NMD3: variants seen among roughly 807,000 people sequenced by gnomAD.
The protein encoded by NMD3 is NMD3 ribosome export adaptor, also known as 60S ribosomal export protein NMD3.
A neutral mutation model predicts 73.1 loss-of-function variants in NMD3; 47 were observed. The ratio of observed to expected loss-of-function variants is 0.64; its 90% CI spans 0.51 to 0.82. The LOEUF (loss-of-function observed/expected upper bound fraction) is 0.82. Among genes scored for constraint, NMD3 ranks in the 40% least tolerant of loss-of-function variants. NMD3 has a pLI of 0.00. For synonymous variants in NMD3, 210 were observed against 194.5 expected (o/e 1.08, Z -0.66); for missense variants, 554 against 612.5 (o/e 0.90, Z 1.01).
intron 7 of NMD3, 141 bp from the exon 8 acceptor site, chr3:161,237,967 TATCTC>T (rs1736828490): frequency 2.1e-6 from 1 of 484,934 alleles, no homozygotes; most frequent in Admixed American, 4.0e-5. Context: ...TCTTAAGTGA[TATCTC>T]TAATCTGTTG....
chr3:161,252,296 G>C lies in NMD3; in HGVS notation c.*1386G>C, dbSNP rs75707698. 2.0e-5 allele frequency: 3 copies of C among 152,014 alleles called. No individual in the cohort carries two copies. Among genetic ancestry groups the C allele is most frequent in the African/African-American group, 7.2e-5 (3 of 41,396 alleles). The allele number at this position is 152,014 out of a possible 1,614,324, so 9.4% of individuals were successfully genotyped here. A position where few individuals can be genotyped will look rare whatever the true frequency, so the allele number is the denominator to read the frequency against. ...AATAAAGCCATTCTTGCCCTTTTTC[G>C]TGTGTTTGAAATGGTCGCATTGGTG... On this transcript the variant is annotated 3_prime_UTR_variant, in exon 16 of 16. Transcript: ENST00000351193.
intron 5 of NMD3, 68 bp from the exon 6 acceptor site, chr3:161,234,656 GTTC>G (rs1736673363): frequency 2.3e-6 from 3 of 1,312,368 alleles, no homozygotes; most frequent in East Asian, 4.8e-5. Flanking sequence ...AATATTAAAG[GTTC>G]TTCTTTAAAG....
intron 11 of NMD3, among the ~76,000 whole-genome samples, chr3:161,243,751 C>G (rs1419143357): frequency 1.1e-4 from 16 of 152,042 alleles, no homozygotes. Flanking sequence ...TTTTTCTTGC[C>G]AGAATATTTC....
chr3:161,252,914 C>T (rs1194720577), downstream of NMD3: 4 of 592,600 alleles, frequency 6.7e-6, no homozygotes, highest in South Asian at 1.9e-5. Flanking sequence ...GCCTGGCCAA[C>T]ATAGTGAAAC....
chr3:161,222,250 C>T (rs1214289027), intron 2 of NMD3, among the ~76,000 whole-genome samples, 193 bp downstream of exon 2: 2 of 152,090 alleles, frequency 1.3e-5, no homozygotes, highest in African/African-American at 4.8e-5. Flanking sequence ...TAAATATAAG[C>T]TCTAAGAGGG....
chr3:161,253,168 T>G (rs12495310), downstream of NMD3: 1 of 159,700 alleles, frequency 6.3e-6, no homozygotes, highest in Non-Finnish European at 1.4e-5. Context: ...GTAATTGAGA[T>G]GTTTAACAGC....
At chr3:161,241,599 T>C (rs1300731254) in intron 10 of NMD3, among the ~76,000 whole-genome samples, 1 of 152,122 alleles carries the variant, frequency 6.6e-6, no homozygotes, top group Admixed American at 6.5e-5. Flanking sequence ...TTTTGTATTT[T>C]TAGTAGAGAC....
chr3:161,226,396 C>T (rs1161763980), intron 3 of NMD3, among the ~76,000 whole-genome samples: 1 of 151,506 alleles, frequency 6.6e-6, no homozygotes, highest in Admixed American at 6.6e-5. Flanking sequence ...TGCAGTGAGC[C>T]GAGATCATAC....
chr3:161,225,582 C>G (rs188909720), intron 3 of NMD3, among the ~76,000 whole-genome samples: 1 of 152,238 alleles, frequency 6.6e-6, no homozygotes, highest in East Asian at 1.9e-4. Flanking sequence ...AAGAAGACTT[C>G]TTCTGAATGT....
intron 11 of NMD3, among the ~76,000 whole-genome samples, chr3:161,244,185 C>T (rs757930600): frequency 2.0e-5 from 3 of 152,094 alleles, no homozygotes; most frequent in Non-Finnish European, 2.9e-5. Context: ...GGCTGGAGTG[C>T]GGTATGGCTT....
chr3:161,249,287 T>C (rs2108103986), intron 13 of NMD3, among the ~76,000 whole-genome samples, 167 bp from the exon 14 acceptor site: 1 of 152,348 alleles, frequency 6.6e-6, no homozygotes, highest in Admixed American at 6.5e-5. Context: ...GTTAAATACA[T>C]GGAGAAAAAT....
At chr3:161,246,965 T>C (rs575565443) in intron 12 of NMD3, among the ~76,000 whole-genome samples, 28 of 152,046 alleles carry the variant, frequency 1.8e-4, no homozygotes, top group African/African-American at 6.5e-4. Context: ...TAAAATAAAC[T>C]AGAAGGAAGC....
intron 4 of NMD3, among the ~76,000 whole-genome samples, chr3:161,232,397 A>AT (rs1237492843): frequency 6.6e-6 from 1 of 152,046 alleles, no homozygotes; most frequent in African/African-American, 2.4e-5. Context: ...TGCAGCCCAA[A>AT]TTTTTTTATA....
intron 7 of NMD3, among the ~76,000 whole-genome samples, chr3:161,237,020 C>G (rs1269639367): frequency 1.3e-5 from 2 of 152,128 alleles, no homozygotes; most frequent in Admixed American, 1.3e-4. Flanking sequence ...TTTGGCTATT[C>G]TGGGTAATTT....
chr3:161,250,209 ATATAAC>A lies in NMD3; in HGVS notation c.1311-42_1311-37del, dbSNP rs779010691. 4.3e-5 allele frequency: 46 copies of A among 1,075,568 alleles called. 1 individual carries two copies. Among genetic ancestry groups the A allele is most frequent in the Non-Finnish European group, 5.5e-5 (39 of 702,824 alleles). The allele number at this position is 1,075,568 out of a possible 1,614,324, so 66.6% of individuals were successfully genotyped here. Reference sequence around the variant, plus strand: ...AAATGAAAGTCCTTAAATGAAGAAAATATAACTATATTTTTGGTGATGAAATATTTA... The same window carrying A: ...AAATGAAAGTCCTTAAATGAAGAAAATATATTTTTGGTGATGAAATATTTA... On this transcript the variant is annotated intron_variant, in intron 14 of 15. Transcript: ENST00000351193.
rs778868766 is a variant in NMD3 at position 161,225,058 on chromosome 3, G to A, written c.173G>A (p.Cys58Tyr). The change falls in exon 3 of 16, where the codon TGT becomes TAT. Residue 58 changes from cysteine (C) to tyrosine (Y), a missense_variant. Physicochemically the swap from Cys to Tyr is radical, Grantham distance 194 (BLOSUM62 -2). Coordinates refer to ENST00000351193, the MANE Select transcript of NMD3 (RefSeq NM_015938.5). ...KQVSISFCKQCQRYFQPPGTW... is the reference protein window; with the variant it reads ...KQVSISFCKQYQRYFQPPGTW... ...GTCTCGATTTCGTTCTGCAAACAAT[G>A]TCAAAGGTACAGTGCGGTACAATTT... is the stretch of plus-strand genomic sequence containing the variant. 3 of 1,613,702 alleles carry A rather than the reference G, an allele frequency of 1.9e-6. No homozygotes were observed. The highest frequency in any genetic ancestry group is 2.5e-6 in the Non-Finnish European group (3 of 1,179,884).
chr3:161,250,821 G>A lies in NMD3; in HGVS notation c.1423G>A (p.Ala475Thr). ...GGAAAGTGACACCGATGATGAAGGA[G>A]CACCTCGAATTAGTCTGGCTGAGAT... Reference protein sequence around the residue: ...PVESDTDDEGAPRISLAEMLE... With the variant: ...PVESDTDDEGTPRISLAEMLE... Residue 475 changes from alanine (A) to threonine (T), a missense_variant, in exon 16 of 16, where the codon GCA becomes ACA. By Grantham distance (58) the Ala-to-Thr change is moderately conservative. Coordinates refer to ENST00000351193, the MANE Select transcript of NMD3 (RefSeq NM_015938.5). 6.2e-7 allele frequency: 1 copy of A among 1,611,286 alleles called. No homozygotes were observed. The highest frequency in any genetic ancestry group is 8.5e-7 in the Non-Finnish European group (1 of 1,177,734).
At chr3:161,241,270 G>T (rs1451863163) in intron 10 of NMD3, 107 bp downstream of exon 10, 6 of 722,408 alleles carry the variant, frequency 8.3e-6, no homozygotes, top group Non-Finnish European at 1.4e-5. Context: ...GTTTTGAAAG[G>T]TTAGTTAAAA....
chr3:161,235,295 A>G (rs908962312), intron 7 of NMD3, 83 bp downstream of exon 7: 1 of 662,766 alleles, frequency 1.5e-6, no homozygotes, highest in Non-Finnish European at 2.6e-6. Context: ...TACTGATAAT[A>G]TCTGGATTAG....
Sources: gnomAD v4.1 joint callset for allele counts (sites outside exome capture counted in the v4.1 genomes callset) on GRCh38, gnomAD v4.1.1 for gene constraint, MANE v1.5 for transcripts, NCBI Gene and HGNC (gene_info 2026-07-23, HGNC 2026-07-21) for gene names.